Variants in EIF2B3 observed in about 807,000 individuals in gnomAD.
EIF2B3 encodes translation initiation factor eIF2B subunit gamma.
A neutral mutation model predicts 54.1 loss-of-function variants in EIF2B3; 20 were observed. That is an observed-to-expected ratio of 0.37 (90% CI 0.26 to 0.54). The LOEUF is 0.54. EIF2B3 is among the 20% of genes least tolerant of loss of function. The pLI is 0.86. For synonymous variants in EIF2B3, 153 were observed against 188.1 expected (o/e 0.81, Z 1.52); for missense variants, 448 against 547.8 (o/e 0.82, Z 1.82).
intron 5 of EIF2B3, among the ~76,000 whole-genome samples, chr1:44,903,966 A>G (rs1643364899): frequency 6.6e-6 from 1 of 152,122 alleles, no homozygotes; most frequent in South Asian, 2.1e-4. Flanking sequence ...AATCTCAGCT[A>G]CTCAGGAGGC....
chr1:44,961,962 C>A (rs1408531725), intron 3 of EIF2B3, among the ~76,000 whole-genome samples: 1 of 152,082 alleles, frequency 6.6e-6, no homozygotes, highest in Non-Finnish European at 1.5e-5. Flanking sequence ...GAGGCCAAGG[C>A]GGGTGGATCA....
chr1:44,854,735 GCA>G (rs1285130349), intron 11 of EIF2B3, among the ~76,000 whole-genome samples: 3 of 151,682 alleles, frequency 2.0e-5, no homozygotes, highest in Non-Finnish European at 2.9e-5. Flanking sequence ...TTACAGGCAT[GCA>G]CTACCACGCC....
intron 5 of EIF2B3, among the ~76,000 whole-genome samples, chr1:44,915,072 G>T (rs1275455042): frequency 6.6e-6 from 1 of 151,622 alleles, no homozygotes; most frequent in Admixed American, 6.6e-5. Flanking sequence ...GCCGAGGCAG[G>T]TAGATCATTT....
rs547481172 is a variant in EIF2B3 at position 44,963,255 on chromosome 1, C to A, written c.294+15060G>T. ...ACAAAAAAAACAAAACAAAAAAAAA[C>A]CCCAGAAAACCAGGGGGGAAATCTT... On this transcript the variant is annotated intron_variant, in intron 3 of 11. Coordinates refer to ENST00000360403, the MANE Select transcript of EIF2B3 (RefSeq NM_020365.5). Among the ~76,000 whole-genome samples, 161 of 151,192 alleles carry A rather than the reference C, an allele frequency of 1.1e-3. 3 individuals are homozygous for A. Among genetic ancestry groups the A allele is most frequent in the African/African-American group, 3.5e-3 (144 of 41,330 alleles).
At chr1:44,966,916 G>A (rs1356279825) in intron 3 of EIF2B3, among the ~76,000 whole-genome samples, 3 of 152,022 alleles carry the variant, frequency 2.0e-5, no homozygotes, top group Non-Finnish European at 2.9e-5. Context: ...CCGTGTCCCA[G>A]GTTCAGGCAA....
chr1:44,965,634 CTT>C (rs386366856), intron 3 of EIF2B3, among the ~76,000 whole-genome samples: 4,990 of 102,038 alleles, frequency 0.049, 182 homozygotes, highest in African/African-American at 0.19. Context: ...ACAAATGCAT[CTT>C]TTTTTTTTTT....
chr1:44,857,215 C>CAACA (rs1468382650), intron 11 of EIF2B3, among the ~76,000 whole-genome samples: 1 of 152,090 alleles, frequency 6.6e-6, no homozygotes, highest in African/African-American at 2.4e-5. Flanking sequence ...AGAAATGAAA[C>CAACA]TGTTAAGTCA....
At chr1:44,965,516 G>C (rs1644327624) in intron 3 of EIF2B3, among the ~76,000 whole-genome samples, 1 of 151,908 alleles carries the variant, frequency 6.6e-6, no homozygotes, top group African/African-American at 2.4e-5. Context: ...CTAATGCTTA[G>C]TGGAGGCAAC....
At position 44,915,117 on chromosome 1, in the gene EIF2B3, G is replaced by A. The variant is rs559644244; in HGVS notation, c.566+11511C>T. On this transcript the variant is annotated intron_variant, in intron 5 of 11. Coordinates refer to ENST00000360403, the MANE Select transcript of EIF2B3 (RefSeq NM_020365.5). ...AGTTCAAGACCAGCCTGGCCAACAT[G>A]GTGAAACCCTGTCTCTACTTAAAAT... Among the ~76,000 whole-genome samples the A allele has an allele frequency of 7.5e-4, 114 of 151,686 alleles. 4 individuals carry two copies. In the South Asian group the frequency reaches 0.023, roughly 31 times the overall value.
chr1:44,882,869 C>T (rs911206394), intron 6 of EIF2B3, among the ~76,000 whole-genome samples: 3 of 151,566 alleles, frequency 2.0e-5, no homozygotes, highest in African/African-American at 7.3e-5. Context: ...CCTGCTGCAG[C>T]CTCTTAAAGT....
chr1:44,934,235 A>G (rs1643922825), intron 4 of EIF2B3, among the ~76,000 whole-genome samples: 1 of 150,870 alleles, frequency 6.6e-6, no homozygotes, highest in South Asian at 2.1e-4. Context: ...GTCTTTACTA[A>G]AAAATACAAA....
At chr1:44,945,787 T>C (rs1413794877) in intron 3 of EIF2B3, among the ~76,000 whole-genome samples, 3 of 152,180 alleles carry the variant, frequency 2.0e-5, no homozygotes, top group African/African-American at 7.2e-5. Context: ...TTGCCCCATT[T>C]CATCAGAATG....
intron 6 of EIF2B3, among the ~76,000 whole-genome samples, chr1:44,896,097 A>G (rs569514732): frequency 1.3e-5 from 2 of 152,332 alleles, no homozygotes; most frequent in South Asian, 4.1e-4. Flanking sequence ...CCATGAGCTT[A>G]GGCTGTAATT....
At chr1:44,981,281 T>A in intron 1 of EIF2B3, 104 bp from the exon 2 acceptor site, 1 of 1,167,894 alleles carries the variant, frequency 8.6e-7, no homozygotes. Flanking sequence ...ATACCCACTA[T>A]GTCAAATGCA....
rs1656004655 is a variant in EIF2B3 at position 44,897,336 on chromosome 1, C to G, written c.656+19G>C. 13 of 1,589,826 alleles carry G rather than the reference C, an allele frequency of 8.2e-6. No homozygotes were observed. The highest frequency in any genetic ancestry group is 1.1e-5 in the Non-Finnish European group (13 of 1,158,696). On this transcript the variant is annotated intron_variant, in intron 6 of 11. Coordinates refer to ENST00000360403, the MANE Select transcript of EIF2B3 (RefSeq NM_020365.5). ...CTTGTTAAGTACTGTAGGTTTGACT[C>G]TACCACCCTTTTTCTTACCCATTTT...
At chr1:44,956,363 G>T (rs1159521254) in intron 3 of EIF2B3, among the ~76,000 whole-genome samples, 1 of 150,456 alleles carries the variant, frequency 6.6e-6, no homozygotes, top group Non-Finnish European at 1.5e-5. Flanking sequence ...AGGGCCTGTC[G>T]GGGGGTGGGG....
intron 4 of EIF2B3, chr1:44,937,224 A>G (rs1253881357): frequency 6.6e-6 from 1 of 152,266 alleles, no homozygotes; most frequent in Non-Finnish European, 1.5e-5. Context: ...TTAGGATTTT[A>G]AACTGCTAGT....
At chr1:44,929,203 T>C (rs760630699) in intron 4 of EIF2B3, among the ~76,000 whole-genome samples, 4 of 152,248 alleles carry the variant, frequency 2.6e-5, no homozygotes, top group Admixed American at 6.5e-5. Context: ...CCTCTTTACA[T>C]AGGAGAAACA....
At chr1:44,947,821 A>G (rs563150911) in intron 3 of EIF2B3, among the ~76,000 whole-genome samples, 7 of 152,088 alleles carry the variant, frequency 4.6e-5, no homozygotes, top group African/African-American at 1.4e-4. Context: ...ACATTTTCCT[A>G]TGTGGTCCAA....
Sources: allele counts gnomAD v4.1 joint callset (sites outside exome capture counted in the v4.1 genomes callset), GRCh38; gene constraint gnomAD v4.1.1; transcripts MANE v1.5; gene names NCBI Gene and HGNC (gene_info 2026-07-23, HGNC 2026-07-21).